RPS6KA3: variants seen among roughly 807,000 people sequenced by gnomAD.
RPS6KA3 encodes the protein ribosomal protein S6 kinase alpha-3.
In RPS6KA3, 4 loss-of-function variants were observed where a neutral mutation model predicts 67.2. The observed-to-expected ratio is 0.06, with a 90% CI of 0.03 to 0.14. The LOEUF (loss-of-function observed/expected upper bound fraction) is 0.14, where lower values mean the gene tolerates loss of function less well. Ranked by LOEUF, RPS6KA3 falls within the 10% of genes least tolerant of loss-of-function variation. The pLI is 1.00. For synonymous variants in RPS6KA3, 182 were observed against 183.7 expected (o/e 0.99, Z 0.07); for missense variants, 204 against 559.0 (o/e 0.36, Z 6.40).
At chrX:20,220,976 A>G (rs535514665) in intron 2 of RPS6KA3, among the ~76,000 whole-genome samples, 1 of 112,223 alleles carries the variant, frequency 8.9e-6, no homozygotes, top group South Asian at 3.7e-4. Context: ...AAAAGGCACC[A>G]AAGTTAAAAG....
chrX:20,172,958 T>C (rs1384033367), intron 14 of RPS6KA3, 87 bp from the exon 15 acceptor site: 4 of 759,128 alleles, frequency 5.3e-6, no homozygotes, highest in East Asian at 6.4e-5. Context: ...GCATGCATTG[T>C]TGATGCCCTA....
chrX:20,225,717 TG>T (rs1023417926), intron 2 of RPS6KA3, among the ~76,000 whole-genome samples: 1 of 111,876 alleles, frequency 8.9e-6, no homozygotes, highest in African/African-American at 3.3e-5. Flanking sequence ...GTAATAGGTG[TG>T]CAATGGTATG....
intron 20 of RPS6KA3, 43 bp downstream of exon 20, chrX:20,161,601 A>G: frequency 2.9e-6 from 2 of 698,381 alleles, no homozygotes; most frequent in Non-Finnish European, 4.4e-6. Context: ...TGGATCATAA[A>G]AAGTTATTTT....
intron 2 of RPS6KA3, among the ~76,000 whole-genome samples, chrX:20,224,650 G>A (rs1465765345): frequency 9.0e-6 from 1 of 111,382 alleles, no homozygotes; most frequent in Admixed American, 9.6e-5. Context: ...GTTATAAAGT[G>A]GTAAAAGCCT....
Position 20,150,864 on chromosome X carries a change from T to C in RPS6KA3, c.*4534A>G. ...ACTAATCTCTATTCAAAATGTCATA[T>C]ACTTTGCTAGTTGCTCTGGGAGAAG... On this transcript the variant is annotated 3_prime_UTR_variant, in exon 22 of 22. Transcript: ENST00000379565. The C allele has an allele frequency of 8.9e-6, 1 of 112,737 alleles. No homozygotes were observed. Among genetic ancestry groups the C allele is most frequent in the East Asian group, 2.8e-4 (1 of 3,604 alleles). The allele number at this position is 112,737 out of a possible 1,213,427, so 9.3% of individuals were successfully genotyped here.
intron 10 of RPS6KA3, among the ~76,000 whole-genome samples, chrX:20,184,924 T>C (rs1285625873): frequency 9.0e-6 from 1 of 111,649 alleles, no homozygotes; most frequent in Non-Finnish European, 1.9e-5. Flanking sequence ...TTTACATTGT[T>C]GTAAACACTG....
chrX:20,215,407 T>C (rs2068825312), intron 2 of RPS6KA3, among the ~76,000 whole-genome samples: 1 of 111,381 alleles, frequency 9.0e-6, no homozygotes, highest in Non-Finnish European at 1.9e-5. Flanking sequence ...GATCAATTCC[T>C]GTGGCAAGTT....
Position 20,237,333 on chromosome X carries a change from T to C in RPS6KA3, c.70-2519A>G, listed in dbSNP as rs377056910. Among the ~76,000 whole-genome samples the C allele has an allele frequency of 8.1e-5, 9 of 111,749 alleles. 1 individual carries two copies. In the East Asian group the frequency reaches 2.2e-3, roughly 28 times the overall value. On this transcript the variant is annotated intron_variant, in intron 1 of 21. Coordinates refer to ENST00000379565, the MANE Select transcript of RPS6KA3 (RefSeq NM_004586.3). ...CCCCATGACTCCCCATTGTTTGGCG[T>C]TTAGAACCCTCAGTCTAACTTGAGC...
At chrX:20,238,408 T>C (rs1219862978) in intron 1 of RPS6KA3, among the ~76,000 whole-genome samples, 3 of 111,606 alleles carry the variant, frequency 2.7e-5, no homozygotes, top group African/African-American at 9.7e-5. Flanking sequence ...GTTGTTACTC[T>C]TAGTTCCATG....
chrX:20,156,167 T>C lies in RPS6KA3; in HGVS notation c.2042A>G (p.His681Arg), dbSNP rs2148624071. The C allele has an allele frequency of 1.7e-6, 2 of 1,210,921 alleles. No individual in the cohort carries two copies. Among genetic ancestry groups the C allele is most frequent in the Non-Finnish European group, 2.2e-6 (2 of 894,655 alleles). ...TTGGTATTGTGGCAGTTGGTCCCAG[T>C]GGACGATCCAAGGATGTCTGAGCAC... ...ALVLRHPWIVHWDQLPQYQLN... is the reference protein window; with the variant it reads ...ALVLRHPWIVRWDQLPQYQLN... Residue 681 changes from histidine (H) to arginine (R), a missense_variant, in exon 21 of 22, where the codon CAC becomes CGC. By Grantham distance (29) the His-to-Arg change is conservative (BLOSUM62 0). This residue lies in a region of RPS6KA3 where 73 missense variants were observed against 241.1 expected (regional missense o/e 0.30). Transcript: ENST00000379565.
Position 20,175,420 on chromosome X carries a change from C to A in RPS6KA3, c.1103-132G>T, listed in dbSNP as rs2067674383. 12 of 635,374 alleles carry A rather than the reference C, an allele frequency of 1.9e-5. No homozygotes were observed. The South Asian group carries it at 2.5e-4, about 13-fold the overall frequency. 52.4% of individuals were successfully genotyped at this position (635,374 alleles called of 1,213,427 possible). ...GTACACAGTATATACCTCTTGCTTT[C>A]CAGGATACCTGTGAGGCACTGTATC... On this transcript the variant is annotated intron_variant, in intron 13 of 21. Coordinates refer to ENST00000379565, the MANE Select transcript of RPS6KA3 (RefSeq NM_004586.3).
In RPS6KA3 at chrX:20,266,640, C is replaced by G. The variant is rs1336991330; in HGVS notation, c.-8G>C. ...CAGCTGCGCCAGCGGCATCTTCCCC[C>G]CCGGCCCGCCGCCTTCACCGCCTCC... On this transcript the variant is annotated 5_prime_UTR_variant, in exon 1 of 22. Coordinates refer to ENST00000379565, the MANE Select transcript of RPS6KA3 (RefSeq NM_004586.3). 3 of 1,133,679 alleles carry G rather than the reference C, an allele frequency of 2.6e-6. No individual in the cohort carries two copies. The highest frequency in any genetic ancestry group is 3.5e-6 in the Non-Finnish European group (3 of 859,186). The allele number at this position is 1,133,679 out of a possible 1,213,427, so 93.4% of individuals were successfully genotyped here. A position where few individuals can be genotyped will look rare whatever the true frequency, so the allele number is the denominator to read the frequency against.
At chrX:20,184,801 T>C (rs1361769610) in intron 10 of RPS6KA3, among the ~76,000 whole-genome samples, 1 of 111,919 alleles carries the variant, frequency 8.9e-6, no homozygotes, top group Admixed American at 9.5e-5. Flanking sequence ...ACATGGTATA[T>C]TCTTTCAAGT....
rs138300587 is a variant in RPS6KA3 at position 20,183,724 on chromosome X, C to T, written c.845+2572G>A. ...ATCTTGGTCTTCGAGAGTATTTTAG[C>T]TACTCTTTGTCCTTTGTATTATCAT... On this transcript the variant is annotated intron_variant, in intron 10 of 21. Coordinates refer to ENST00000379565, the MANE Select transcript of RPS6KA3 (RefSeq NM_004586.3). Among the ~76,000 whole-genome samples, 151 of 112,142 alleles carry T rather than the reference C, an allele frequency of 1.3e-3. 5 individuals carry two copies. The highest frequency in any genetic ancestry group is 4.6e-3 in the Middle Eastern group (1 of 218).
intron 2 of RPS6KA3, among the ~76,000 whole-genome samples, chrX:20,230,482 G>A (rs1254894236): frequency 8.9e-6 from 1 of 112,037 alleles, no homozygotes; most frequent in Non-Finnish European, 1.9e-5. Flanking sequence ...ATGGCGGTAA[G>A]GGAAAAGAAT....
intron 2 of RPS6KA3, among the ~76,000 whole-genome samples, chrX:20,210,061 GA>G (rs1197989285): frequency 8.9e-6 from 1 of 111,914 alleles, no homozygotes; most frequent in Admixed American, 9.5e-5. Flanking sequence ...ATCAGACATG[GA>G]AAAAAATGAC....
chrX:20,197,467 A>G (rs2068304124), intron 4 of RPS6KA3, among the ~76,000 whole-genome samples: 1 of 112,392 alleles, frequency 8.9e-6, no homozygotes, highest in African/African-American at 3.2e-5. Flanking sequence ...TATACTAATA[A>G]CTAGATGAAC....
chrX:20,224,239 G>A (rs2069055367), intron 2 of RPS6KA3, among the ~76,000 whole-genome samples: 1 of 111,228 alleles, frequency 9.0e-6, no homozygotes, highest in African/African-American at 3.3e-5. Flanking sequence ...TGGGGAAGGA[G>A]AGTGCACATG....
Position 20,197,082 on chromosome X carries a change from C to T in RPS6KA3, c.326-1937G>A, listed in dbSNP as rs183335266. On this transcript the variant is annotated intron_variant, in intron 4 of 21. Transcript: ENST00000379565. ...CTCTAACTCCTGACCTCAGGTGATC[C>T]GCCTGCCTTGGCCTCCCCAAGTGCT... Among the ~76,000 whole-genome samples the T allele has an allele frequency of 8.0e-5, 9 of 112,504 alleles. No individual in the cohort carries two copies. In the East Asian group the frequency reaches 2.2e-3, roughly 28 times the overall value.
Sources: gnomAD v4.1 joint callset for allele counts (sites outside exome capture counted in the v4.1 genomes callset) on GRCh38, gnomAD v4.1.1 for gene constraint, gnomAD v4.1.1 regional missense constraint, MANE v1.5 for transcripts, NCBI Gene and HGNC (gene_info 2026-07-23, HGNC 2026-07-21) for gene names.